The following GPC6 variants were observed in gnomAD, a reference collection of about 807,000 sequenced individuals.
The protein encoded by GPC6 is glypican 6.
A neutral mutation model predicts 55.2 loss-of-function variants in GPC6; 14 were observed. The observed-to-expected ratio is 0.25, with a 90% CI of 0.17 to 0.40. GPC6 has a LOEUF of 0.40. GPC6 is among the 10% of genes least tolerant of loss of function. GPC6 has a pLI of 1.00. For synonymous variants in GPC6, 278 were observed against 259.6 expected (o/e 1.07, Z -0.68); for missense variants, 641 against 708.5 (o/e 0.90, Z 1.08).
At chr13:94,081,844 C>CTTTTTTTTTTTTTT (rs201141414) in intron 4 of GPC6, among the ~76,000 whole-genome samples, 2,486 of 132,296 alleles carry the variant, frequency 0.019, 125 homozygotes, top group African/African-American at 0.048. Context: ...TACTACTTTC[C>CTTTTTTTTTTTTTT]TTTTTTTTTT....
At chr13:93,725,032 A>C (rs1030032695) in intron 2 of GPC6, among the ~76,000 whole-genome samples, 1 of 152,060 alleles carries the variant, frequency 6.6e-6, no homozygotes, top group Non-Finnish European at 1.5e-5. Flanking sequence ...TTGATCAATA[A>C]TGATGTAACC....
At chr13:94,151,951 T>TTTTC (rs1887757818) in intron 4 of GPC6, among the ~76,000 whole-genome samples, 1 of 152,174 alleles carries the variant, frequency 6.6e-6, no homozygotes, top group Non-Finnish European at 1.5e-5. Flanking sequence ...TTTTTCCATT[T>TTTTC]TTTCTTTCTT....
At chr13:94,366,858 A>C (rs1412114682) in intron 6 of GPC6, among the ~76,000 whole-genome samples, 1 of 152,242 alleles carries the variant, frequency 6.6e-6, no homozygotes, top group African/African-American at 2.4e-5. Context: ...GGGGCTAGGC[A>C]GAGAAAAACA....
intron 7 of GPC6, among the ~76,000 whole-genome samples, chr13:94,387,764 C>T (rs529670952): frequency 9.2e-6 from 1 of 108,962 alleles, no homozygotes; most frequent in Non-Finnish European, 1.9e-5. Context: ...CTCTCTCTCT[C>T]TGCCGTGTGA....
intron 1 of GPC6, among the ~76,000 whole-genome samples, chr13:93,489,041 T>A (rs1344860287): frequency 6.6e-6 from 1 of 151,556 alleles, no homozygotes; most frequent in African/African-American, 2.4e-5. Context: ...ATGAAGTCCT[T>A]GCCCATGCCT....
chr13:93,485,184 T>A (rs1005705572), intron 1 of GPC6, among the ~76,000 whole-genome samples: 2 of 152,126 alleles, frequency 1.3e-5, no homozygotes, highest in African/African-American at 4.8e-5. Flanking sequence ...ATTAACCAAA[T>A]AATGAATTTA....
chr13:93,674,458 G>T (rs1002952079), intron 2 of GPC6, among the ~76,000 whole-genome samples: 1 of 152,128 alleles, frequency 6.6e-6, no homozygotes, highest in Non-Finnish European at 1.5e-5. Context: ...TCCAGTAAAT[G>T]CAGTCTCTTA....
chr13:94,361,892 A>G (rs970724683), intron 6 of GPC6, among the ~76,000 whole-genome samples: 2 of 152,270 alleles, frequency 1.3e-5, no homozygotes, highest in Admixed American at 6.5e-5. Context: ...TCCTTGATCA[A>G]CATAAAAAGA....
At chr13:93,397,157 G>A (rs888614824) in intron 1 of GPC6, among the ~76,000 whole-genome samples, 8 of 152,012 alleles carry the variant, frequency 5.3e-5, no homozygotes, top group African/African-American at 1.9e-4. Context: ...ATTATTTTAA[G>A]GATTTTGAGT....
At chr13:93,279,165 A>C (rs1404303670) in intron 1 of GPC6, among the ~76,000 whole-genome samples, 1 of 152,220 alleles carries the variant, frequency 6.6e-6, no homozygotes, top group East Asian at 1.9e-4. Context: ...TTGAGTGTGC[A>C]TCAGAATCAC....
chr13:94,351,061 A>T (rs1048341117), intron 6 of GPC6, among the ~76,000 whole-genome samples: 1 of 152,180 alleles, frequency 6.6e-6, no homozygotes, highest in African/African-American at 2.4e-5. Context: ...ATGAGTGGGT[A>T]AGAAAATACC....
chr13:93,521,762 A>G (rs1329667269), intron 1 of GPC6, among the ~76,000 whole-genome samples: 1 of 152,026 alleles, frequency 6.6e-6, no homozygotes, highest in African/African-American at 2.4e-5. Flanking sequence ...TATTGGGCTC[A>G]TTCCCCAGCT....
intron 1 of GPC6, among the ~76,000 whole-genome samples, chr13:93,465,782 C>G (rs191171305): frequency 6.6e-6 from 1 of 152,204 alleles, no homozygotes; most frequent in South Asian, 2.1e-4. Context: ...AGAGGCCTAG[C>G]CTTTTGGCCT....
At chr13:93,931,960 A>T (rs1878201511) in intron 3 of GPC6, among the ~76,000 whole-genome samples, 1 of 152,170 alleles carries the variant, frequency 6.6e-6, no homozygotes, top group Admixed American at 6.5e-5. Flanking sequence ...GGGATAGAGG[A>T]CTTGGAGCTA....
intron 6 of GPC6, among the ~76,000 whole-genome samples, chr13:94,311,448 C>T (rs759407603): frequency 2.4e-4 from 36 of 152,112 alleles, no homozygotes; most frequent in Non-Finnish European, 5.1e-4. Flanking sequence ...GGATTACAGG[C>T]GAGAGCCACT....
chr13:93,681,872 C>T (rs753606062), intron 2 of GPC6, among the ~76,000 whole-genome samples: 11 of 152,202 alleles, frequency 7.2e-5, no homozygotes, highest in African/African-American at 1.9e-4. Context: ...ATAAATGCTA[C>T]GGGTTACATT....
At chr13:93,754,316 G>A (rs1393868042) in intron 2 of GPC6, among the ~76,000 whole-genome samples, 1 of 152,020 alleles carries the variant, frequency 6.6e-6, no homozygotes, top group East Asian at 1.9e-4. Context: ...TTAGAATCTT[G>A]GCAATCAGCT....
chr13:93,394,329 CT>C (rs1432931420), intron 1 of GPC6, among the ~76,000 whole-genome samples: 1 of 152,180 alleles, frequency 6.6e-6, no homozygotes, highest in Non-Finnish European at 1.5e-5. Context: ...TCTTAGGTTT[CT>C]TTTATATGGC....
intron 3 of GPC6, among the ~76,000 whole-genome samples, chr13:93,961,368 G>A (rs1879767204): frequency 6.6e-6 from 1 of 152,178 alleles, no homozygotes; most frequent in African/African-American, 2.4e-5. Context: ...CTCCAGCCAG[G>A]TGTTTGGAAA....
Sources: gnomAD v4.1 joint callset for allele counts (sites outside exome capture counted in the v4.1 genomes callset) on GRCh38, gnomAD v4.1.1 for gene constraint, MANE v1.5 for transcripts, NCBI Gene and HGNC (gene_info 2026-07-23, HGNC 2026-07-21) for gene names.